The following CCDC150 variants were observed in gnomAD, a reference collection of about 807,000 sequenced individuals.
The protein encoded by CCDC150 is coiled-coil domain-containing protein 150.
Under a neutral mutation model 156.5 loss-of-function variants are expected in CCDC150, and 151 were observed. The ratio of observed to expected loss-of-function variants is 0.97; its 90% CI spans 0.85 to 1.10. The LOEUF (loss-of-function observed/expected upper bound fraction) is 1.10. Ranked by LOEUF, CCDC150 falls within the 50% of genes least tolerant of loss-of-function variation. The probability of loss-of-function intolerance (pLI) is 0.00; values close to 1 mark genes in which losing one functional copy is unlikely to be tolerated. For missense variants in CCDC150, 1,312 were observed against 1,268.1 expected, an observed-to-expected ratio of 1.03 and a Z score of -0.53; for synonymous variants, 452 against 429.4, an observed-to-expected ratio of 1.05 and a Z score of -0.65.
Position 196,702,994 on chromosome 2 carries a change from T to A in CCDC150, c.1695+1814T>A, listed in dbSNP as rs111349760. On this transcript the variant is annotated intron_variant, in intron 15 of 27. Transcript: ENST00000389175. Reference sequence around the variant, plus strand: ...TTTATAACAACTCAAGAGCGAGAACTTATTCACCCATGTGAGACTGCATTA... The same window carrying A: ...TTTATAACAACTCAAGAGCGAGAACATATTCACCCATGTGAGACTGCATTA... 7.4e-3 allele frequency among the ~76,000 whole-genome samples: 1,123 copies of A among 152,260 alleles called. 10 individuals carry two copies. Among genetic ancestry groups the A allele is most frequent in the African/African-American group, 0.026 (1,066 of 41,544 alleles).
At chr2:196,667,536 C>T (rs1693918967) in intron 7 of CCDC150, 1 of 152,596 alleles carries the variant, frequency 6.6e-6, no homozygotes, top group African/African-American at 2.4e-5. Context: ...GGCAGTGCTT[C>T]ATGTGATTAA....
intron 8 of CCDC150, among the ~76,000 whole-genome samples, chr2:196,671,905 G>A (rs115457664): frequency 3.8e-4 from 58 of 152,198 alleles, no homozygotes; most frequent in African/African-American, 1.3e-3. Flanking sequence ...AGCTCCTTTG[G>A]GTAAATCCCA....
intron 26 of CCDC150, 151 bp from the exon 27 acceptor site, chr2:196,731,882 A>G: frequency 1.6e-6 from 1 of 625,968 alleles, no homozygotes; most frequent in Non-Finnish European, 2.8e-6. Context: ...CATGTATAGG[A>G]TGTTAAGTAT....
At chr2:196,672,588 CATT>C (rs1694268118) in intron 9 of CCDC150, among the ~76,000 whole-genome samples, 151 bp downstream of exon 9, 1 of 152,118 alleles carries the variant, frequency 6.6e-6, no homozygotes, top group Non-Finnish European at 1.5e-5. Context: ...ATCTTTGAAA[CATT>C]ATCAAATTAA....
Position 196,718,330 on chromosome 2 carries a change from CAG to C in CCDC150, c.1867-171_1867-170del, listed in dbSNP as rs1230116719. 3 of 425,304 alleles carry C rather than the reference CAG, an allele frequency of 7.1e-6. No individual in the cohort carries two copies. In the Admixed American group the frequency reaches 1.2e-4, roughly 17 times the overall value. 26.3% of individuals were successfully genotyped at this position (425,304 alleles called of 1,614,324 possible). A position where few individuals can be genotyped will look rare whatever the true frequency, so the allele number is the denominator to read the frequency against. On this transcript the variant is annotated intron_variant, in intron 17 of 27. Transcript: ENST00000389175. ...TTGGATTTGTCTATGTTTATTCACA[CAG>C]ATATTTTTGTTGTAGTTTCCTTTAA...
At chr2:196,682,429 A>T (rs1311657270) in intron 13 of CCDC150, among the ~76,000 whole-genome samples, 2 of 151,442 alleles carry the variant, frequency 1.3e-5, no homozygotes, top group African/African-American at 4.9e-5. Context: ...TTTTTTAAAG[A>T]TTGTTTTAGC....
intron 13 of CCDC150, 121 bp downstream of exon 13, chr2:196,677,482 T>G (rs1457471040): frequency 1.0e-5 from 7 of 695,658 alleles, no homozygotes; most frequent in Non-Finnish European, 1.8e-5. Flanking sequence ...AAAGGAGAGC[T>G]ATGAAGCTGG....
At chr2:196,676,854 G>A (rs1044232115) in intron 12 of CCDC150, 123 bp downstream of exon 12, 19 of 866,946 alleles carry the variant, frequency 2.2e-5, no homozygotes, top group African/African-American at 3.4e-5. Flanking sequence ...GAGTTGCCCA[G>A]TAAAGAATCT....
chr2:196,697,107 G>A (rs74725673), intron 14 of CCDC150, among the ~76,000 whole-genome samples: 4,594 of 152,264 alleles, frequency 0.03, 102 homozygotes, highest in Non-Finnish European at 0.05. Flanking sequence ...TCTAATGCAG[G>A]AACAGTAGTT....
At chr2:196,689,763 C>T (rs539081334) in intron 13 of CCDC150, among the ~76,000 whole-genome samples, 44 of 152,148 alleles carry the variant, frequency 2.9e-4, no homozygotes, top group African/African-American at 9.9e-4. Flanking sequence ...ATTGCCCTGG[C>T]CAGAACTTCC....
chr2:196,718,527 A>G lies in CCDC150; in HGVS notation c.1891A>G (p.Lys631Glu). The change falls in exon 18 of 28, where the codon AAA becomes GAA. Residue 631 changes from lysine (K) to glutamate (E), a missense_variant. Physicochemically the swap from Lys to Glu is moderately conservative, Grantham distance 56. Transcript: ENST00000389175. ...GGTGAAATCTATTCTTGAAAGAAGT[A>G]AAGAGGAGCTGTCCCGAACAGTGAA... is the stretch of plus-strand genomic sequence containing the variant. ...KEVKSILERS[K>E]EELSRTVKCR... 1 of 1,612,314 alleles carries G rather than the reference A, an allele frequency of 6.2e-7. No homozygotes were observed. The highest frequency in any genetic ancestry group is 8.5e-7 in the Non-Finnish European group (1 of 1,178,920).
intron 13 of CCDC150, among the ~76,000 whole-genome samples, chr2:196,694,275 C>G (rs1490768360): frequency 6.6e-6 from 1 of 151,972 alleles, no homozygotes; most frequent in Non-Finnish European, 1.5e-5. Flanking sequence ...AGGCTGGTCT[C>G]GAACTCTTGA....
chr2:196,724,998 A>T (rs189380868), intron 21 of CCDC150, among the ~76,000 whole-genome samples: 253 of 152,334 alleles, frequency 1.7e-3, no homozygotes, highest in Non-Finnish European at 1.9e-3. Flanking sequence ...CTGGAGGGAC[A>T]GTTGCAGTTA....
intron 7 of CCDC150, among the ~76,000 whole-genome samples, chr2:196,668,764 A>C (rs1340555580): frequency 6.6e-6 from 1 of 152,230 alleles, no homozygotes; most frequent in East Asian, 1.9e-4. Context: ...TCTTCAAAGT[A>C]AGATAAACAC....
Position 196,732,326 on chromosome 2 carries a change from A to G in CCDC150, c.3190-120A>G, listed in dbSNP as rs1575994051. 3.5e-6 allele frequency: 4 copies of G among 1,132,668 alleles called. No homozygotes were observed. The East Asian group carries it at 9.4e-5, about 27-fold the overall frequency. 70.2% of individuals were successfully genotyped at this position (1,132,668 alleles called of 1,614,324 possible). On this transcript the variant is annotated intron_variant, in intron 27 of 27. Transcript: ENST00000389175. ...TTTTACAAAGTTCCACCTGTCACAAACTTTTTAGATTAGAATCACTTGTCT... is the reference window on the plus strand; with the variant it reads ...TTTTACAAAGTTCCACCTGTCACAAGCTTTTTAGATTAGAATCACTTGTCT...
intron 18 of CCDC150, 86 bp downstream of exon 18, chr2:196,718,717 C>T: frequency 6.7e-7 from 1 of 1,497,306 alleles, no homozygotes; most frequent in Non-Finnish European, 8.9e-7. Context: ...CGCTTTCTTG[C>T]TTCCATTAGA....
intron 15 of CCDC150, among the ~76,000 whole-genome samples, chr2:196,711,405 A>G (rs762418332): frequency 2.6e-5 from 4 of 152,182 alleles, no homozygotes; most frequent in Non-Finnish European, 4.4e-5. Context: ...GAGAGATGGA[A>G]CTGTTGATTT....
At chr2:196,640,752 C>T (rs889787140) in intron 1 of CCDC150, among the ~76,000 whole-genome samples, 1 of 152,364 alleles carries the variant, frequency 6.6e-6, no homozygotes, top group East Asian at 1.9e-4. Context: ...CTAACCACTT[C>T]TTACAGTAGG....
chr2:196,729,845 A>G lies in CCDC150; in HGVS notation c.2804A>G (p.Lys935Arg), dbSNP rs756721613. ...GAGCTAATTAAGGATCAATATCAGA[A>G]AAAGAACTATGAACAGGTAGATGAT... ...QMELIKDQYQ[K>R]KNYEQSLSIQ... Residue 935 changes from lysine to arginine, a missense_variant, in exon 24 of 28, where the codon AAA becomes AGA. Transcript: ENST00000389175. 1.9e-6 allele frequency: 3 copies of G among 1,601,862 alleles called. No homozygotes were observed. The East Asian group carries it at 6.7e-5, about 36-fold the overall frequency.
Sources: allele counts gnomAD v4.1 joint callset (sites outside exome capture counted in the v4.1 genomes callset), GRCh38; gene constraint gnomAD v4.1.1; transcripts MANE v1.5; gene names NCBI Gene and HGNC (gene_info 2026-07-23, HGNC 2026-07-21).